ZNF638: variants seen among roughly 807,000 people sequenced by gnomAD.
ZNF638 encodes the protein CTCL tumor antigen se33-1.
A neutral mutation model predicts 195.6 loss-of-function variants in ZNF638; 46 were observed. The ratio of observed to expected loss-of-function variants is 0.24; its 90% CI spans 0.19 to 0.30. The LOEUF is 0.30. ZNF638 is among the 10% of genes least tolerant of loss of function. The pLI, the probability that ZNF638 is intolerant of heterozygous loss-of-function variation, is 1.00. For synonymous variants in ZNF638, 845 were observed against 772.0 expected (o/e 1.09, Z -1.57); for missense variants, 2,440 against 2,325.3 (o/e 1.05, Z -1.01).
Position 71,423,741 on chromosome 2 carries a change from A to G in ZNF638, c.4227A>G (p.Ser1409=). 1 of 1,613,954 alleles carries G rather than the reference A, an allele frequency of 6.2e-7. No homozygotes were observed. The highest frequency in any genetic ancestry group is 2.2e-5 in the East Asian group (1 of 44,888). The change falls in exon 22 of 28, where the codon TCA becomes TCG. Residue 1409 remains serine, a synonymous_variant. Transcript: ENST00000264447. Reference sequence around the variant, plus strand: ...CTCCTAAGGCAAAAGCTACAGTTTCAAAAACTGAAAATCAGAAAAGTTTTC... The same window carrying G: ...CTCCTAAGGCAAAAGCTACAGTTTCGAAAACTGAAAATCAGAAAAGTTTTC... ...VSSPKAKATV[S]KTENQKSFPK...
At chr2:71,369,792 A>G (rs2079276253) in intron 7 of ZNF638, 91 bp from the exon 8 acceptor site, 1 of 1,271,120 alleles carries the variant, frequency 7.9e-7, no homozygotes, top group Non-Finnish European at 1.1e-6. Context: ...TCATAGTTTG[A>G]TGTTACAAAA....
rs1338838479 is a variant in ZNF638 at position 71,428,573 on chromosome 2, A to T, written c.5572A>T (p.Ile1858Phe). The T allele has an allele frequency of 6.2e-7, 1 of 1,614,086 alleles. No homozygotes were observed. The highest frequency in any genetic ancestry group is 8.5e-7 in the Non-Finnish European group (1 of 1,179,970). ...TAKTPTKRVRIGKTLPSEKAV... is the reference protein window; with the variant it reads ...TAKTPTKRVRFGKTLPSEKAV... ...TAAAACTCCAACCAAGAGAGTTAGA[A>T]TTGGGAAAACTCTGCCATCAGAAAA... is the stretch of plus-strand genomic sequence containing the variant. The change falls in exon 25 of 28, where the codon ATT becomes TTT. Residue 1858 changes from isoleucine to phenylalanine, a missense_variant. This residue lies in a region of ZNF638 where 1,883 missense variants were observed against 1,739.1 expected (regional missense o/e 1.08). Coordinates refer to ENST00000264447, the MANE Select transcript of ZNF638 (RefSeq NM_014497.5).
intron 3 of ZNF638, among the ~76,000 whole-genome samples, chr2:71,359,157 G>A (rs2079069575): frequency 1.3e-5 from 2 of 152,104 alleles, no homozygotes; most frequent in South Asian, 2.1e-4. Flanking sequence ...GATTTACTAG[G>A]GGAATTGGCT....
intron 20 of ZNF638, among the ~76,000 whole-genome samples, chr2:71,411,440 ATTT>A (rs1384216775): frequency 8.1e-6 from 1 of 123,516 alleles, no homozygotes; most frequent in Admixed American, 8.3e-5. Context: ...TGAGTTTTTT[ATTT>A]TTTTTATTTA....
rs2080554694 is a variant in ZNF638 at position 71,427,088 on chromosome 2, A to G, written c.5219A>G (p.Gln1740Arg). 1 of 1,614,202 alleles carries G rather than the reference A, an allele frequency of 6.2e-7. No homozygotes were observed. The highest frequency in any genetic ancestry group is 8.5e-7 in the Non-Finnish European group (1 of 1,180,018). ...ACTTTAGTTACTGTAGATGAAATAC[A>G]AGATGACAGCAGTGATTTGCATTTA... is the stretch of plus-strand genomic sequence containing the variant. ...PSTLVTVDEI[Q>R]DDSSDLHLVT... is the part of the protein sequence containing the mutation. The change falls in exon 24 of 28, where the codon CAA becomes CGA. Residue 1740 changes from glutamine (Q) to arginine (R), a missense_variant. This residue lies in a region of ZNF638 where 1,883 missense variants were observed against 1,739.1 expected (regional missense o/e 1.08). Transcript: ENST00000264447.
At position 71,349,937 on chromosome 2, in the gene ZNF638, T is replaced by G; in HGVS notation, c.983T>G (p.Ile328Ser). ...AGCCAGACAATGAGTCAATCTCTGA[T>G]TCCTCCATCTATGAACCAGCAACCT... ...TVSQTMSQSL[I>S]PPSMNQQPFS... The change falls in exon 2 of 28, where the codon ATT becomes AGT. Residue 328 changes from isoleucine (I) to serine (S), a missense_variant. Ile to Ser is a moderately radical substitution (Grantham distance 142). This residue lies in a region of ZNF638 where 305 missense variants were observed against 283.6 expected (regional missense o/e 1.08). Coordinates refer to ENST00000264447, the MANE Select transcript of ZNF638 (RefSeq NM_014497.5). The G allele has an allele frequency of 6.2e-7, 1 of 1,614,238 alleles. No homozygotes were observed. Among genetic ancestry groups the G allele is most frequent in the Non-Finnish European group, 8.5e-7 (1 of 1,180,048 alleles).
intron 3 of ZNF638, among the ~76,000 whole-genome samples, chr2:71,356,088 TCTC>T (rs1342528109): frequency 2.0e-5 from 3 of 152,194 alleles, no homozygotes; most frequent in East Asian, 1.9e-4. Context: ...TATCCTTTCT[TCTC>T]CTATCTCCAC....
At chr2:71,342,189 C>G (rs1323300406) in intron 1 of ZNF638, among the ~76,000 whole-genome samples, 1 of 137,326 alleles carries the variant, frequency 7.3e-6, no homozygotes, top group African/African-American at 2.7e-5. Context: ...TCACTGCACT[C>G]CAGCCTGGGT....
At chr2:71,376,001 AAC>A (rs1558852712) in intron 8 of ZNF638, 12 of 152,190 alleles carry the variant, frequency 7.9e-5, no homozygotes, top group Non-Finnish European at 1.5e-5. Flanking sequence ...TTTCATTCTA[AAC>A]AGTTAACATA....
In ZNF638 at chr2:71,388,619, C is replaced by G. The variant is rs548077726; in HGVS notation, c.2378-7522C>G. The G allele has an allele frequency of 4.0e-4, 322 of 806,984 alleles. 5 individuals are homozygous for G. The South Asian group carries it at 4.2e-3, about 11-fold the overall frequency. The allele number at this position is 806,984 out of a possible 1,614,324, so 50.0% of individuals were successfully genotyped here. On this transcript the variant is annotated intron_variant, in intron 10 of 27. Transcript: ENST00000264447. The stretch of plus-strand genomic sequence containing the variant: ...CGTACTTTTTTCATCCGTCGCTCGG[C>G]CAGAGTCGGTGGATCAGACTCAGCA...
In ZNF638 at chr2:71,331,794, G is replaced by T. The variant is rs2257136; in HGVS notation, c.-284G>T. ...CGTGCAGCTCTTTGGAGGCGGTAGCGTTTTCGGCGTCGAGACTGGAGGCTG... is the reference window on the plus strand; with the variant it reads ...CGTGCAGCTCTTTGGAGGCGGTAGCTTTTTCGGCGTCGAGACTGGAGGCTG... On this transcript the variant is annotated 5_prime_UTR_variant, in exon 1 of 28. Coordinates refer to ENST00000264447, the MANE Select transcript of ZNF638 (RefSeq NM_014497.5). The T allele has an allele frequency of 0.91, 896,041 of 985,850 alleles. 407,404 individuals are homozygous for T. The highest frequency in any genetic ancestry group is 0.93 in the Admixed American group (15,089 of 16,294). 61.1% of individuals were successfully genotyped at this position (985,850 alleles called of 1,614,324 possible). A position where few individuals can be genotyped will look rare whatever the true frequency, so the allele number is the denominator to read the frequency against.
chr2:71,369,958 A>G lies in ZNF638; in HGVS notation c.2218A>G (p.Lys740Glu). Residue 740 changes from lysine to glutamate, a missense_variant, in exon 8 of 28, where the codon AAA (lysine) becomes GAA (glutamate). Lys to Glu is a moderately conservative substitution (Grantham distance 56, BLOSUM62 1). Coordinates refer to ENST00000264447, the MANE Select transcript of ZNF638 (RefSeq NM_014497.5). ...CATTGAAACAACACCTCTTACGATA[A>G]AAGGAAAAAGTGTGAAAATATGTGT... ...KYIETTPLTI[K>E]GKSVKICVPG... 6.3e-7 allele frequency: 1 copy of G among 1,598,964 alleles called. No homozygotes were observed. Among genetic ancestry groups the G allele is most frequent in the Non-Finnish European group, 8.5e-7 (1 of 1,175,640 alleles).
intron 10 of ZNF638, among the ~76,000 whole-genome samples, chr2:71,387,133 C>T (rs1418244601): frequency 1.3e-5 from 2 of 151,932 alleles, no homozygotes; most frequent in Admixed American, 1.3e-4. Flanking sequence ...ATAGGCAGGA[C>T]AGTTCTTTAA....
At chr2:71,386,764 A>G (rs2079649318) in intron 10 of ZNF638, among the ~76,000 whole-genome samples, 1 of 152,222 alleles carries the variant, frequency 6.6e-6, no homozygotes, top group South Asian at 2.1e-4. Context: ...TATAAAAAGA[A>G]AACTAAAATA....
At chr2:71,404,196 A>G (rs897168356) in intron 17 of ZNF638, among the ~76,000 whole-genome samples, 198 bp downstream of exon 17, 2 of 152,132 alleles carry the variant, frequency 1.3e-5, no homozygotes, top group South Asian at 2.1e-4. Context: ...AGGGAATCCT[A>G]TTCTTCATGT....
At position 71,352,495 on chromosome 2, in the gene ZNF638, TAAA is replaced by T. The variant is rs58110916; in HGVS notation, c.1317+2237_1317+2239del. 4.8e-4 allele frequency among the ~76,000 whole-genome samples: 65 copies of T among 134,624 alleles called. No individual in the cohort carries two copies. The East Asian group carries it at 8.9e-3, about 18-fold the overall frequency. 88.3% of individuals were successfully genotyped at this position (134,624 alleles called of 152,430 possible). A position where few individuals can be genotyped will look rare whatever the true frequency, so the allele number is the denominator to read the frequency against. On this transcript the variant is annotated intron_variant, in intron 2 of 27. Coordinates refer to ENST00000264447, the MANE Select transcript of ZNF638 (RefSeq NM_014497.5). ...TCCATCTCAAAAAAAATAAAAAAAA[TAAA>T]AAAAAAAAAAAAGAAGAGGAGGGTT...
intron 8 of ZNF638, among the ~76,000 whole-genome samples, chr2:71,377,074 A>G (rs556165604): frequency 6.6e-6 from 1 of 152,262 alleles, no homozygotes; most frequent in Non-Finnish European, 1.5e-5. Flanking sequence ...GGAGTTTGAG[A>G]CTAGCCCAGG....
intron 10 of ZNF638, among the ~76,000 whole-genome samples, chr2:71,392,166 G>C (rs1333877966): frequency 1.3e-5 from 2 of 152,150 alleles, no homozygotes; most frequent in African/African-American, 4.8e-5. Context: ...TTTTCAATTA[G>C]CACTCTTTGA....
intron 8 of ZNF638, 71 bp downstream of exon 8, chr2:71,370,076 A>G (rs908287923): frequency 6.5e-5 from 97 of 1,488,818 alleles, no homozygotes; most frequent in Non-Finnish European, 8.0e-5. Flanking sequence ...TAAGTATGGC[A>G]CACATATAGA....
Sources: allele counts gnomAD v4.1 joint callset (sites outside exome capture counted in the v4.1 genomes callset), GRCh38; gene constraint gnomAD v4.1.1; regional missense constraint gnomAD v4.1.1; transcripts MANE v1.5; gene names NCBI Gene and HGNC (gene_info 2026-07-23, HGNC 2026-07-21).